KAZN: variants seen among roughly 807,000 people sequenced by gnomAD.
KAZN encodes the protein kazrin, periplakin interacting protein, also known as kazrin.
KAZN carries 40 observed loss-of-function variants against 87.4 expected under a neutral mutation model. The ratio of observed to expected loss-of-function variants is 0.46; its 90% CI spans 0.36 to 0.60. KAZN has a LOEUF of 0.60. Ranked by LOEUF, KAZN falls within the 20% of genes least tolerant of loss-of-function variation. KAZN has a pLI of 0.00. For synonymous variants in KAZN, 466 were observed against 458.3 expected, an observed-to-expected ratio of 1.02 and a Z score of -0.22; for missense variants, 898 against 1,073.9, an observed-to-expected ratio of 0.84 and a Z score of 2.29.
At chr1:14,207,892 G>A (rs556469385) in intron 2 of KAZN, among the ~76,000 whole-genome samples, 1 of 152,300 alleles carries the variant, frequency 6.6e-6, no homozygotes, top group African/African-American at 2.4e-5. Context: ...GCCAAGGAGG[G>A]CCCATGCTGG....
intron 1 of KAZN, among the ~76,000 whole-genome samples, chr1:14,117,753 G>T (rs1386004890): frequency 6.6e-6 from 1 of 152,150 alleles, no homozygotes; most frequent in Non-Finnish European, 1.5e-5. Flanking sequence ...CCCCTAGTAA[G>T]TAAGACTGGT....
chr1:14,119,792 C>G (rs1644711461), intron 1 of KAZN, among the ~76,000 whole-genome samples: 1 of 152,162 alleles, frequency 6.6e-6, no homozygotes, highest in African/African-American at 2.4e-5. Flanking sequence ...TGTCTCGTGT[C>G]ACAAGGCTTA....
chr1:14,845,983 G>A (rs148175309), intron 1 of KAZN, among the ~76,000 whole-genome samples: 6 of 152,246 alleles, frequency 3.9e-5, no homozygotes, highest in African/African-American at 1.2e-4. Flanking sequence ...GAAAAATCCC[G>A]TGTCTCCCAG....
intron 1 of KAZN, among the ~76,000 whole-genome samples, chr1:13,894,227 G>T (rs1031286014): frequency 2.6e-5 from 4 of 152,130 alleles, no homozygotes; most frequent in African/African-American, 9.7e-5. Context: ...ATAAGTGTCT[G>T]CTCTGAGCAG....
chr1:14,370,939 C>A (rs12748740), intron 2 of KAZN, among the ~76,000 whole-genome samples: 1 of 152,156 alleles, frequency 6.6e-6, no homozygotes, highest in African/African-American at 2.4e-5. Context: ...CCCACCTCAG[C>A]CTCCCAAAGT....
chr1:14,973,172 A>G (rs1665257312), intron 2 of KAZN, among the ~76,000 whole-genome samples: 1 of 152,158 alleles, frequency 6.6e-6, no homozygotes, highest in Non-Finnish European at 1.5e-5. Flanking sequence ...CTAGTTTTCC[A>G]TCAATAGACA....
chr1:14,002,668 C>T (rs1187207575), intron 1 of KAZN, among the ~76,000 whole-genome samples: 2 of 152,128 alleles, frequency 1.3e-5, no homozygotes, highest in Non-Finnish European at 2.9e-5. Context: ...CATCTCATGC[C>T]AGTCAGAATG....
chr1:14,152,095 A>G (rs1645487830), intron 1 of KAZN, among the ~76,000 whole-genome samples: 2 of 152,238 alleles, frequency 1.3e-5, no homozygotes, highest in African/African-American at 4.8e-5. Context: ...ATATTTTGAT[A>G]CAGGCATGTA....
intron 2 of KAZN, among the ~76,000 whole-genome samples, chr1:14,229,991 C>G (rs186142909): frequency 6.6e-6 from 1 of 152,248 alleles, no homozygotes; most frequent in African/African-American, 2.4e-5. Flanking sequence ...TCCGAGAGAA[C>G]CTTCCACAGT....
intron 2 of KAZN, among the ~76,000 whole-genome samples, chr1:14,417,011 T>TACAC (rs58667891): frequency 0.065 from 9,487 of 145,506 alleles, 323 homozygotes; most frequent in Non-Finnish European, 0.071. Flanking sequence ...TATATATATG[T>TACAC]ACACACACAC....
intron 1 of KAZN, among the ~76,000 whole-genome samples, chr1:14,945,017 G>C (rs1174629272): frequency 6.6e-6 from 1 of 152,150 alleles, no homozygotes; most frequent in East Asian, 1.9e-4. Context: ...TACCGCAGGG[G>C]ACAGCACCAG....
chr1:15,084,242 A>T (rs1302337054), intron 8 of KAZN, among the ~76,000 whole-genome samples: 1 of 152,236 alleles, frequency 6.6e-6, no homozygotes, highest in Non-Finnish European at 1.5e-5. Flanking sequence ...ATATGGAAAG[A>T]CTTGGCTGAT....
At chr1:14,570,700 C>T (rs995408828) in intron 2 of KAZN, among the ~76,000 whole-genome samples, 3 of 152,116 alleles carry the variant, frequency 2.0e-5, no homozygotes, top group Non-Finnish European at 2.9e-5. Context: ...TATTCATCGA[C>T]GAGTGTTTGT....
intron 2 of KAZN, among the ~76,000 whole-genome samples, chr1:15,034,528 G>C (rs914420265): frequency 2.0e-5 from 3 of 152,234 alleles, no homozygotes; most frequent in Non-Finnish European, 2.9e-5. Context: ...GATTGACACA[G>C]CTGAGAGGGG....
chr1:15,056,062 T>A lies in KAZN; in HGVS notation c.727-29T>A, dbSNP rs778789054. ...CCAAGAGTTCCCCTTGATCATGACT[T>A]CTTCTTCCTGTCTTCTTGCTCTCTC... On this transcript the variant is annotated intron_variant, in intron 4 of 14. Coordinates refer to ENST00000376030, the MANE Select transcript of KAZN (RefSeq NM_201628.3). This position sits in a 1 kb window ranked among gnomAD's most constrained non-coding sequence, Gnocchi z 5.4. 1 of 1,579,910 alleles carries A rather than the reference T, an allele frequency of 6.3e-7. No individual in the cohort carries two copies. Among genetic ancestry groups the A allele is most frequent in the Admixed American group, 1.7e-5 (1 of 58,762 alleles).
upstream of KAZN, among the ~76,000 whole-genome samples, chr1:14,596,180 A>T (rs998291021): frequency 3.3e-5 from 5 of 152,228 alleles, no homozygotes; most frequent in African/African-American, 1.2e-4. Flanking sequence ...TGACATAAAA[A>T]GCCGGATAAC....
intron 13 of KAZN, among the ~76,000 whole-genome samples, chr1:15,106,155 C>T (rs924978880): frequency 6.6e-6 from 1 of 152,020 alleles, no homozygotes; most frequent in Non-Finnish European, 1.5e-5. Context: ...GTGGAGTGCA[C>T]CATATAATCC....
intron 2 of KAZN, among the ~76,000 whole-genome samples, chr1:14,473,250 T>C (rs1668546782): frequency 6.6e-6 from 1 of 151,804 alleles, no homozygotes; most frequent in East Asian, 1.9e-4. Flanking sequence ...GACATACTTA[T>C]CTAAAGGTTT....
At chr1:14,292,166 C>T (rs1037446999) in intron 2 of KAZN, among the ~76,000 whole-genome samples, 9 of 152,086 alleles carry the variant, frequency 5.9e-5, no homozygotes, top group African/African-American at 1.4e-4. Context: ...GTCATATGTG[C>T]GTATAGTTTT....
Sources: gnomAD v4.1 joint callset for allele counts (sites outside exome capture counted in the v4.1 genomes callset) on GRCh38, gnomAD v4.1.1 for gene constraint, Gnocchi (gnomAD v3.1) non-coding constraint, MANE v1.5 for transcripts, NCBI Gene and HGNC (gene_info 2026-07-23, HGNC 2026-07-21) for gene names.